The following SVEP1 variants were observed in gnomAD, a reference collection of about 807,000 sequenced individuals.
SVEP1 encodes the protein sushi, von Willebrand factor type A, EGF and pentraxin domain-containing protein 1.
SVEP1 carries 164 observed loss-of-function variants against 367.3 expected under a neutral mutation model. That is an observed-to-expected ratio of 0.45 (90% CI 0.39 to 0.51). The LOEUF (loss-of-function observed/expected upper bound fraction) is 0.51. SVEP1 is among the 20% of genes least tolerant of loss of function. The pLI is 0.00. For synonymous variants in SVEP1, 1,666 were observed against 1,611.6 expected (o/e 1.03, Z -0.81); for missense variants, 4,117 against 4,425.3 (o/e 0.93, Z 1.98).
chr9:110,541,831 C>CTA (rs1564171832), intron 3 of SVEP1, among the ~76,000 whole-genome samples: 1 of 138,952 alleles, frequency 7.2e-6, no homozygotes, highest in African/African-American at 2.6e-5. Flanking sequence ...CTATATATAT[C>CTA]TATATACATA....
At chr9:110,385,520 G>A (rs1827506342) in intron 43 of SVEP1, among the ~76,000 whole-genome samples, 1 of 152,176 alleles carries the variant, frequency 6.6e-6, no homozygotes, top group South Asian at 2.1e-4. Flanking sequence ...TGGTTCTGAT[G>A]CAGGCTCAAG....
intron 3 of SVEP1, among the ~76,000 whole-genome samples, chr9:110,526,981 A>G (rs1437259758): frequency 6.6e-6 from 1 of 152,180 alleles, no homozygotes; most frequent in Non-Finnish European, 1.5e-5. Flanking sequence ...TGACAAAATT[A>G]TAGAAATAGA....
At chr9:110,476,744 C>T (rs986891556) in intron 13 of SVEP1, among the ~76,000 whole-genome samples, 12 of 152,122 alleles carry the variant, frequency 7.9e-5, no homozygotes, top group African/African-American at 2.9e-4. Context: ...TCACCTTTGC[C>T]CTAAAACCTT....
At chr9:110,463,257 T>A (rs1284116101) in intron 18 of SVEP1, among the ~76,000 whole-genome samples, 1 of 152,018 alleles carries the variant, frequency 6.6e-6, no homozygotes, top group African/African-American at 2.4e-5. Flanking sequence ...AACTTATTCT[T>A]CTGATAAAAA....
intron 38 of SVEP1, 116 bp downstream of exon 38, chr9:110,406,044 T>C (rs566446648): frequency 2.1e-4 from 282 of 1,322,840 alleles, no homozygotes; most frequent in Non-Finnish European, 2.7e-4. Context: ...GCACCAGTGT[T>C]TGGAGAGCAG....
At chr9:110,489,958 T>C (rs1829342369) in intron 8 of SVEP1, among the ~76,000 whole-genome samples, 179 bp from the exon 9 acceptor site, 1 of 152,244 alleles carries the variant, frequency 6.6e-6, no homozygotes, top group Admixed American at 6.5e-5. Context: ...ATTTATAGAA[T>C]TGGCACACAT....
rs922748696 is a variant in SVEP1 at position 110,454,994 on chromosome 9, G to C, written c.3787+596C>G. On this transcript the variant is annotated intron_variant, in intron 22 of 47. Transcript: ENST00000374469. The stretch of plus-strand genomic sequence containing the variant: ...TATTTAAGTCATAAATAAAGACAAA[G>C]ATTTTGAATGCTAAAAAATAAGATA... Among the ~76,000 whole-genome samples, 113 of 152,114 alleles carry C rather than the reference G, an allele frequency of 7.4e-4. 1 individual carries two copies. The highest frequency in any genetic ancestry group is 2.7e-3 in the African/African-American group (110 of 41,434).
chr9:110,443,517 GA>G, intron 27 of SVEP1, 27 bp downstream of exon 27: 2 of 1,562,746 alleles, frequency 1.3e-6, no homozygotes, highest in Non-Finnish European at 1.7e-6. Context: ...GAGTCCAACA[GA>G]ATTATACTCA....
At chr9:110,542,617 CA>C (rs1438435340) in intron 3 of SVEP1, among the ~76,000 whole-genome samples, 2 of 152,144 alleles carry the variant, frequency 1.3e-5, no homozygotes, top group East Asian at 3.8e-4. Flanking sequence ...TTGGCAATTA[CA>C]AACTGATTTT....
At chr9:110,393,187 T>C (rs1196315116) in intron 40 of SVEP1, among the ~76,000 whole-genome samples, 1 of 152,154 alleles carries the variant, frequency 6.6e-6, no homozygotes, top group Non-Finnish European at 1.5e-5. Flanking sequence ...TCTTAATAAA[T>C]TGCAAGATTA....
At chr9:110,394,884 C>A (rs960584045) in intron 40 of SVEP1, among the ~76,000 whole-genome samples, 4 of 152,122 alleles carry the variant, frequency 2.6e-5, no homozygotes, top group Non-Finnish European at 5.9e-5. Flanking sequence ...GATTGGTGTA[C>A]CTGAAAGTGA....
intron 36 of SVEP1, among the ~76,000 whole-genome samples, chr9:110,413,133 A>C (rs1828068615): frequency 7.0e-6 from 1 of 142,588 alleles, no homozygotes. Context: ...AAAGACTTGG[A>C]ACCAACCCAA....
chr9:110,475,883 A>G (rs1829091109), intron 14 of SVEP1: 1 of 193,928 alleles, frequency 5.2e-6, no homozygotes, highest in African/African-American at 2.4e-5. Context: ...AATGCCATAT[A>G]AAAGTTGCTG....
chr9:110,404,228 G>T, intron 39 of SVEP1, 99 bp downstream of exon 39: 1 of 1,196,254 alleles, frequency 8.4e-7, no homozygotes, highest in Non-Finnish European at 1.2e-6. Flanking sequence ...GAAAACTTCA[G>T]ACTTTTTTTT....
At chr9:110,502,752 C>T (rs1350544073) in intron 6 of SVEP1, among the ~76,000 whole-genome samples, 1 of 152,080 alleles carries the variant, frequency 6.6e-6, no homozygotes, top group Admixed American at 6.6e-5. Flanking sequence ...AAAAAAAAAT[C>T]CATCCAAATT....
intron 1 of SVEP1, among the ~76,000 whole-genome samples, chr9:110,554,565 G>T (rs1217580212): frequency 1.3e-5 from 2 of 152,182 alleles, no homozygotes; most frequent in African/African-American, 4.8e-5. Context: ...AAACAAAGAT[G>T]CTGTTCAAGA....
At chr9:110,378,204 C>T (rs117382907) in intron 44 of SVEP1, among the ~76,000 whole-genome samples, 1 of 152,268 alleles carries the variant, frequency 6.6e-6, no homozygotes, top group East Asian at 1.9e-4. Flanking sequence ...TTCAATATCA[C>T]ACACACAACA....
intron 3 of SVEP1, among the ~76,000 whole-genome samples, chr9:110,532,722 T>A (rs1201014426): frequency 6.6e-6 from 1 of 152,098 alleles, no homozygotes; most frequent in Non-Finnish European, 1.5e-5. Context: ...ATTATTGATG[T>A]TTGTAGCCTC....
chr9:110,417,162 C>T (rs1237386011), intron 36 of SVEP1, among the ~76,000 whole-genome samples: 2 of 151,340 alleles, frequency 1.3e-5, no homozygotes, highest in Admixed American at 6.6e-5. Flanking sequence ...CCAGCGTGAG[C>T]GACGCAGAAG....
Sources: gnomAD v4.1 joint callset for allele counts (sites outside exome capture counted in the v4.1 genomes callset) on GRCh38, gnomAD v4.1.1 for gene constraint, MANE v1.5 for transcripts, NCBI Gene and HGNC (gene_info 2026-07-23, HGNC 2026-07-21) for gene names.